Variants in HIVEP1 observed in about 807,000 individuals in gnomAD.
HIVEP1 encodes the protein HIVEP zinc finger 1.
In HIVEP1, 36 loss-of-function variants were observed where a neutral mutation model predicts 180.0. That is an observed-to-expected ratio of 0.20 (90% confidence interval 0.15 to 0.26). The LOEUF (loss-of-function observed/expected upper bound fraction) is 0.26, where lower values mean the gene tolerates loss of function less well. HIVEP1 is among the 10% of genes least tolerant of loss of function. The pLI is 1.00. For synonymous variants in HIVEP1, 1,239 were observed against 1,239.0 expected (o/e 1.00, Z 0.00); for missense variants, 3,143 against 3,268.7 (o/e 0.96, Z 0.94).
At chr6:12,064,337 CT>C in intron 2 of HIVEP1, among the ~76,000 whole-genome samples, 1 of 152,206 alleles carries the variant, frequency 6.6e-6, no homozygotes, top group East Asian at 1.9e-4. Context: ...AAGTTTCTTT[CT>C]TTCTCAGCAA....
intron 2 of HIVEP1, chr6:12,020,517 G>T: frequency 2.2e-6 from 1 of 459,164 alleles, no homozygotes; most frequent in Non-Finnish European, 4.5e-6. Context: ...TCAGGCCTTC[G>T]CTTGGACCCT....
chr6:12,148,309 C>G (rs1759493264), intron 7 of HIVEP1, among the ~76,000 whole-genome samples: 1 of 152,186 alleles, frequency 6.6e-6, no homozygotes, highest in Non-Finnish European at 1.5e-5. Flanking sequence ...CCCGATGCGT[C>G]TCCACCTCCC....
chr6:12,095,700 TA>T (rs1373716526), intron 3 of HIVEP1, among the ~76,000 whole-genome samples: 2 of 151,978 alleles, frequency 1.3e-5, no homozygotes, highest in African/African-American at 4.8e-5. Flanking sequence ...GAGCATTTTA[TA>T]AGTAAATTAA....
intron 1 of HIVEP1, among the ~76,000 whole-genome samples, chr6:12,013,921 C>T (rs1327766209): frequency 2.0e-5 from 3 of 152,138 alleles, no homozygotes; most frequent in Non-Finnish European, 4.4e-5. Flanking sequence ...TGAAGTTAAT[C>T]GTGGCCTTCT....
intron 2 of HIVEP1, chr6:12,038,821 TAATA>T (rs770701905): frequency 1.3e-5 from 2 of 152,176 alleles, no homozygotes; most frequent in Admixed American, 6.5e-5. Flanking sequence ...CTTTAGAAAT[TAATA>T]AATAGAGTTT....
chr6:12,023,179 A>C (rs959083311), intron 2 of HIVEP1, among the ~76,000 whole-genome samples: 1 of 152,228 alleles, frequency 6.6e-6, no homozygotes, highest in African/African-American at 2.4e-5. Flanking sequence ...CCGGGGTTTC[A>C]GAATTAATCT....
upstream of HIVEP1, among the ~76,000 whole-genome samples, chr6:12,009,652 T>C (rs544405820): frequency 7.6e-4 from 116 of 152,344 alleles, no homozygotes; most frequent in African/African-American, 2.7e-3. Flanking sequence ...AAAACAAGCC[T>C]AAAGAAGCTA....
chr6:12,193,098 G>A, the HIVEP1 span, among the ~76,000 whole-genome samples: 12 of 152,270 alleles, frequency 7.9e-5, no homozygotes, highest in African/African-American at 1.9e-4. Context: ...GATTATAGGC[G>A]TGAGCCACAG....
chr6:12,153,529 T>C (rs1211006046), intron 7 of HIVEP1, among the ~76,000 whole-genome samples: 1 of 127,886 alleles, frequency 7.8e-6, no homozygotes, highest in Non-Finnish European at 1.6e-5. Context: ...GCAACCGGAA[T>C]AGAGCCATTT....
intron 2 of HIVEP1, among the ~76,000 whole-genome samples, chr6:12,085,576 T>G (rs909783525): frequency 6.6e-6 from 1 of 152,140 alleles, no homozygotes; most frequent in Non-Finnish European, 1.5e-5. Context: ...ACTGTTCACA[T>G]TAGACCTGAC....
chr6:12,105,824 T>G (rs1255298847), intron 3 of HIVEP1, among the ~76,000 whole-genome samples: 1 of 152,112 alleles, frequency 6.6e-6, no homozygotes, highest in East Asian at 1.9e-4. Context: ...TCCTATTTTC[T>G]TATTCTTTTT....
the HIVEP1 span, among the ~76,000 whole-genome samples, chr6:12,207,645 T>C: frequency 6.6e-6 from 1 of 151,350 alleles, no homozygotes; most frequent in Non-Finnish European, 1.5e-5. Flanking sequence ...GGCTCACACC[T>C]GTAAATCCGA....
chr6:12,094,841 G>A (rs1051207072), intron 3 of HIVEP1, among the ~76,000 whole-genome samples: 1 of 152,010 alleles, frequency 6.6e-6, no homozygotes, highest in African/African-American at 2.4e-5. Flanking sequence ...CCATGGAGCT[G>A]TTTGTTTGAT....
the HIVEP1 span, among the ~76,000 whole-genome samples, chr6:12,202,721 C>T: frequency 6.6e-6 from 1 of 151,960 alleles, no homozygotes; most frequent in Non-Finnish European, 1.5e-5. Context: ...AAACATATTC[C>T]AAGGAAGGTA....
the HIVEP1 span, among the ~76,000 whole-genome samples, chr6:12,198,670 A>C: frequency 6.6e-6 from 1 of 152,164 alleles, no homozygotes; most frequent in Non-Finnish European, 1.5e-5. Context: ...TGGAGAGCAC[A>C]GTACATGTGA....
chr6:12,068,118 TTCGCCC>T (rs1318970108), intron 2 of HIVEP1, among the ~76,000 whole-genome samples: 2 of 152,126 alleles, frequency 1.3e-5, no homozygotes, highest in Admixed American at 6.6e-5. Context: ...GAGATGGAGT[TTCGCCC>T]TCGTTGCCCA....
At chr6:12,009,067 C>T (rs1238117885), upstream of HIVEP1, among the ~76,000 whole-genome samples, 1 of 150,552 alleles carries the variant, frequency 6.6e-6, no homozygotes, top group Non-Finnish European at 1.5e-5. Context: ...GAGGGACGAG[C>T]GGCGTGACCC....
chr6:12,052,417 A>G (rs1022953843), intron 2 of HIVEP1, among the ~76,000 whole-genome samples: 2 of 152,214 alleles, frequency 1.3e-5, no homozygotes, highest in Non-Finnish European at 2.9e-5. Flanking sequence ...TATACCTCCA[A>G]TAGTACATGA....
At chr6:12,029,702 A>T (rs1312116512) in intron 2 of HIVEP1, among the ~76,000 whole-genome samples, 1 of 152,018 alleles carries the variant, frequency 6.6e-6, no homozygotes, top group Non-Finnish European at 1.5e-5. Flanking sequence ...ACTTTTCTCC[A>T]GTATCTCCTT....
Sources: allele counts gnomAD v4.1 joint callset (sites outside exome capture counted in the v4.1 genomes callset), GRCh38; gene constraint gnomAD v4.1.1; transcripts MANE v1.5; gene names NCBI Gene and HGNC (gene_info 2026-07-23, HGNC 2026-07-21).